GHR: variants seen among roughly 807,000 people sequenced by gnomAD.
The protein encoded by GHR is growth hormone receptor.
A neutral mutation model predicts 67.1 loss-of-function variants in GHR; 35 were observed. The ratio of observed to expected loss-of-function variants is 0.52; its 90% CI spans 0.40 to 0.69. The LOEUF (loss-of-function observed/expected upper bound fraction) is 0.69. Among genes scored for constraint, GHR ranks in the 30% least tolerant of loss-of-function variants. The pLI, the probability that GHR is intolerant of heterozygous loss-of-function variation, is 0.00. For missense variants in GHR, 792 were observed against 764.6 expected (o/e 1.04, Z -0.42); for synonymous variants, 272 against 269.1 (o/e 1.01, Z -0.10).
At chr5:42,575,289 G>A (rs1193027823) in intron 2 of GHR, among the ~76,000 whole-genome samples, 1 of 152,206 alleles carries the variant, frequency 6.6e-6, no homozygotes, top group Non-Finnish European at 1.5e-5. Context: ...TTTCAGAGCA[G>A]TGGTGTTGAA....
In GHR at chr5:42,477,514, T is replaced by A. The variant is rs571680034; in HGVS notation, c.-12+53559T>A. On this transcript the variant is annotated intron_variant, in intron 1 of 9. Transcript: ENST00000230882. ...AGTCCCACCAACAGTGTAAAAGTGT[T>A]CCTATTTCTCCACATCCTCTCCAGC... 5.8e-3 allele frequency among the ~76,000 whole-genome samples: 887 copies of A among 152,306 alleles called. 7 individuals are homozygous for A. Among genetic ancestry groups the A allele is most frequent in the African/African-American group, 0.02 (844 of 41,560 alleles).
chr5:42,541,976 G>T (rs1748537911), intron 1 of GHR, among the ~76,000 whole-genome samples: 1 of 152,150 alleles, frequency 6.6e-6, no homozygotes, highest in Admixed American at 6.6e-5. Flanking sequence ...ATAGTGAACT[G>T]GATATATGAG....
At chr5:42,438,663 C>T (rs1239645875) in intron 1 of GHR, among the ~76,000 whole-genome samples, 1 of 152,172 alleles carries the variant, frequency 6.6e-6, no homozygotes, top group African/African-American at 2.4e-5. Flanking sequence ...CTGAGGCCCT[C>T]AGACCAGTAG....
At chr5:42,468,583 C>CG in intron 1 of GHR, 1 of 992,588 alleles carries the variant, frequency 1.0e-6, no homozygotes, top group Admixed American at 2.2e-5. Flanking sequence ...TGGACGGCTG[C>CG]GTCTCCTCTT....
At chr5:42,534,312 A>G (rs1357739009) in intron 1 of GHR, among the ~76,000 whole-genome samples, 1 of 141,554 alleles carries the variant, frequency 7.1e-6, no homozygotes, top group African/African-American at 2.7e-5. Context: ...GTATATATGT[A>G]TGTATATATG....
At chr5:42,702,059 G>A (rs1757957512) in intron 6 of GHR, among the ~76,000 whole-genome samples, 1 of 151,838 alleles carries the variant, frequency 6.6e-6, no homozygotes. Context: ...TTTTTTGTGT[G>A]TTGAGAACAC....
intron 2 of GHR, among the ~76,000 whole-genome samples, chr5:42,572,199 C>G (rs966158591): frequency 1.3e-5 from 2 of 152,120 alleles, no homozygotes; most frequent in Non-Finnish European, 2.9e-5. Context: ...TGTAGGCAGG[C>G]CAGGGTCATC....
chr5:42,545,379 TAA>T (rs553444437), intron 1 of GHR, among the ~76,000 whole-genome samples: 2 of 152,256 alleles, frequency 1.3e-5, no homozygotes, highest in African/African-American at 4.8e-5. Context: ...TAAAAAATAA[TAA>T]GAGACAACTT....
At chr5:42,604,932 T>C (rs1752554036) in intron 2 of GHR, among the ~76,000 whole-genome samples, 1 of 152,020 alleles carries the variant, frequency 6.6e-6, no homozygotes, top group Admixed American at 6.6e-5. Flanking sequence ...TATCTAGTTC[T>C]TTTGTTTGAA....
At position 42,453,965 on chromosome 5, in the gene GHR, C is replaced by G. The variant is rs183535930; in HGVS notation, c.-12+30010C>G. ...AGAAAGATCTGAAACTCCTACTATT[C>G]AGATTATTTTGTCTCACTTAGTGAT... On this transcript the variant is annotated intron_variant, in intron 1 of 9. Coordinates refer to ENST00000230882, the MANE Select transcript of GHR (RefSeq NM_000163.5). Among the ~76,000 whole-genome samples the G allele has an allele frequency of 4.6e-5, 7 of 152,342 alleles. No homozygotes were observed. In the East Asian group the frequency reaches 1.2e-3, roughly 25 times the overall value.
Position 42,695,106 on chromosome 5 carries a change from T to G in GHR, c.439+17T>G, listed in dbSNP as rs745584444. ...ATGAAATAGGTAAATCACAGGTTTT[T>G]GTTTCATTTGACATAGTTTTAGACT... On this transcript the variant is annotated intron_variant, in intron 5 of 9. Transcript: ENST00000230882. The G allele has an allele frequency of 6.4e-7, 1 of 1,572,586 alleles. No homozygotes were observed. The highest frequency in any genetic ancestry group is 2.2e-5 in the East Asian group (1 of 44,628).
chr5:42,614,263 T>A (rs193035295), intron 2 of GHR, among the ~76,000 whole-genome samples: 3 of 152,228 alleles, frequency 2.0e-5, no homozygotes, highest in Admixed American at 6.5e-5. Flanking sequence ...AAGCCTTTTT[T>A]AAAAGCGTAA....
intron 1 of GHR, among the ~76,000 whole-genome samples, chr5:42,510,827 G>A (rs1198707829): frequency 6.6e-6 from 1 of 152,208 alleles, no homozygotes; most frequent in East Asian, 1.9e-4. Flanking sequence ...TGCCTGGTGG[G>A]AGAGGGCGTA....
At chr5:42,523,961 A>G (rs920791228) in intron 1 of GHR, among the ~76,000 whole-genome samples, 1 of 152,276 alleles carries the variant, frequency 6.6e-6, no homozygotes, top group East Asian at 1.9e-4. Flanking sequence ...GCCCCCAGCC[A>G]TGATTCTGAG....
In GHR at chr5:42,695,073, C is replaced by CTCTGTTGATGAAATAGGTAAA; in HGVS notation, c.426_439+7dup. ...GTGGTACAGTGGATGAAAAGTGTTTCTCTGTTGATGAAATAGGTAAATCAC... is the reference window on the plus strand; with the variant it reads ...GTGGTACAGTGGATGAAAAGTGTTTCTCTGTTGATGAAATAGGTAAATCTGTTGATGAAATAGGTAAATCAC... On this transcript the variant is annotated inframe_insertion, in exon 5 of 10. Coordinates refer to ENST00000230882, the MANE Select transcript of GHR (RefSeq NM_000163.5). 6.2e-7 allele frequency: 1 copy of CTCTGTTGATGAAATAGGTAAA among 1,609,686 alleles called. No homozygotes were observed. The highest frequency in any genetic ancestry group is 8.5e-7 in the Non-Finnish European group (1 of 1,176,068).
chr5:42,538,086 C>T (rs1748341085), intron 1 of GHR, among the ~76,000 whole-genome samples: 2 of 152,070 alleles, frequency 1.3e-5, no homozygotes, highest in Admixed American at 6.6e-5. Flanking sequence ...GCAGCAGATA[C>T]TTGGTTGGTG....
chr5:42,467,321 T>C (rs570421018), intron 1 of GHR: 1 of 1,086,384 alleles, frequency 9.2e-7, no homozygotes, highest in Non-Finnish European at 1.4e-6. Context: ...CCAGTATGGC[T>C]TCGCTGATGT....
intron 1 of GHR, among the ~76,000 whole-genome samples, chr5:42,429,500 A>G (rs954624806): frequency 6.6e-6 from 1 of 152,248 alleles, no homozygotes; most frequent in Non-Finnish European, 1.5e-5. Context: ...ACAGTTTAAT[A>G]TTAATGAAAT....
At chr5:42,718,181 C>T (rs1758815629) in intron 9 of GHR, 60 bp downstream of exon 9, 1 of 895,238 alleles carries the variant, frequency 1.1e-6, no homozygotes, top group Non-Finnish European at 1.9e-6. Context: ...AGACTCCTGT[C>T]ATATGTTGAA....
Sources: gnomAD v4.1 joint callset for allele counts (sites outside exome capture counted in the v4.1 genomes callset) on GRCh38, gnomAD v4.1.1 for gene constraint, MANE v1.5 for transcripts, NCBI Gene and HGNC (gene_info 2026-07-23, HGNC 2026-07-21) for gene names.